Variants in MAF observed in about 807,000 individuals in gnomAD.
The protein encoded by MAF is MAF bZIP transcription factor, also known as transcription factor Maf.
MAF carries 10 observed loss-of-function variants against 22.0 expected under a neutral mutation model. That is an observed-to-expected ratio of 0.45 (90% confidence interval 0.28 to 0.77). The LOEUF is 0.77. Ranked by LOEUF, MAF falls within the 30% of genes least tolerant of loss-of-function variation. The pLI, the probability that MAF is intolerant of heterozygous loss-of-function variation, is 0.12. For missense variants in MAF, 544 were observed against 548.4 expected (o/e 0.99, Z 0.08); for synonymous variants, 337 against 255.8 (o/e 1.32, Z -3.03).
chr16:79,374,479 T>C, the MAF span, among the ~76,000 whole-genome samples: 1 of 152,350 alleles, frequency 6.6e-6, no homozygotes, highest in South Asian at 2.1e-4. Context: ...TACAGCCTCA[T>C]TTCTTCATCT....
chr16:79,265,977 C>G, the MAF span, among the ~76,000 whole-genome samples: 1 of 152,166 alleles, frequency 6.6e-6, no homozygotes, highest in Non-Finnish European at 1.5e-5. Context: ...TTCAACTTTT[C>G]TTTTTCTCCT....
the MAF span, among the ~76,000 whole-genome samples, chr16:79,444,724 T>G: frequency 6.6e-6 from 1 of 152,208 alleles, no homozygotes; most frequent in South Asian, 2.1e-4. Context: ...CAGGGCTCCA[T>G]GGAGAAGCCA....
the MAF span, among the ~76,000 whole-genome samples, chr16:79,273,681 C>T: frequency 1.3e-5 from 1 of 77,658 alleles, no homozygotes; most frequent in African/African-American, 3.9e-5. Flanking sequence ...TTCACTCTGA[C>T]CTCTTCTGCC....
At chr16:79,217,980 C>G in the MAF span, among the ~76,000 whole-genome samples, 3 of 81,428 alleles carry the variant, frequency 3.7e-5, no homozygotes, top group Non-Finnish European at 6.3e-5. Flanking sequence ...TTTTTAGAAG[C>G]TTATGTAAAA....
the MAF span, among the ~76,000 whole-genome samples, chr16:79,328,600 G>C: frequency 6.6e-6 from 1 of 152,212 alleles, no homozygotes; most frequent in South Asian, 2.1e-4. Context: ...AGCCGAGCTG[G>C]CACTTGAACG....
the MAF span, among the ~76,000 whole-genome samples, chr16:79,269,165 G>A: frequency 6.6e-6 from 1 of 152,158 alleles, no homozygotes; most frequent in African/African-American, 2.4e-5. Context: ...ATGTCTTGGT[G>A]TTTGCCTTAG....
the MAF span, among the ~76,000 whole-genome samples, chr16:79,440,700 C>T: frequency 6.6e-6 from 1 of 152,224 alleles, no homozygotes. Context: ...CATAAGCCAC[C>T]ACACTCAGCC....
chr16:79,441,610 A>G, the MAF span, among the ~76,000 whole-genome samples: 1 of 152,224 alleles, frequency 6.6e-6, no homozygotes, highest in Non-Finnish European at 1.5e-5. Context: ...CAATCATTTA[A>G]AGATGTAAAA....
the MAF span, among the ~76,000 whole-genome samples, chr16:79,437,975 A>G: frequency 7.2e-5 from 11 of 152,140 alleles, no homozygotes; most frequent in African/African-American, 2.7e-4. Flanking sequence ...TGGAGACAGG[A>G]GTCGGCCCCA....
chr16:79,548,990 T>A, the MAF span, among the ~76,000 whole-genome samples: 1 of 152,182 alleles, frequency 6.6e-6, no homozygotes, highest in Admixed American at 6.5e-5. Flanking sequence ...TATTATTATT[T>A]TTTTAAGACA....
chr16:79,566,486 G>A, the MAF span, among the ~76,000 whole-genome samples: 2 of 152,286 alleles, frequency 1.3e-5, no homozygotes, highest in South Asian at 2.1e-4. Flanking sequence ...AGGGCCCATG[G>A]GAGCATCTTG....
the MAF span, among the ~76,000 whole-genome samples, chr16:79,258,014 T>C: frequency 6.6e-6 from 1 of 152,170 alleles, no homozygotes; most frequent in Non-Finnish European, 1.5e-5. Context: ...AAAATGAGAA[T>C]AAAATGTGAC....
At chr16:79,319,755 G>A in the MAF span, among the ~76,000 whole-genome samples, 1 of 152,198 alleles carries the variant, frequency 6.6e-6, no homozygotes, top group South Asian at 2.1e-4. Context: ...AGTGAAAAGT[G>A]GCAGGGTGAT....
the MAF span, among the ~76,000 whole-genome samples, chr16:79,265,817 T>C: frequency 5.3e-5 from 8 of 152,276 alleles, 1 homozygote; most frequent in African/African-American, 1.9e-4. Context: ...ATCTCGACTC[T>C]AGTTCTTTGG....
At chr16:79,219,533 A>G in the MAF span, among the ~76,000 whole-genome samples, 2 of 133,668 alleles carry the variant, frequency 1.5e-5, no homozygotes, top group Admixed American at 1.6e-4. Flanking sequence ...CCTGGGCGAC[A>G]GCGAGACTCT....
At chr16:79,382,142 A>G in the MAF span, among the ~76,000 whole-genome samples, 1 of 152,214 alleles carries the variant, frequency 6.6e-6, no homozygotes, top group East Asian at 1.9e-4. Flanking sequence ...TGCCACAAGC[A>G]AAGTCGCCAG....
At chr16:79,235,832 G>C in the MAF span, among the ~76,000 whole-genome samples, 1 of 152,150 alleles carries the variant, frequency 6.6e-6, no homozygotes, top group Middle Eastern at 3.4e-3. Flanking sequence ...GGTTGTGATG[G>C]TTGTTATTGT....
At chr16:79,371,497 C>T in the MAF span, among the ~76,000 whole-genome samples, 1 of 152,096 alleles carries the variant, frequency 6.6e-6, no homozygotes, top group Non-Finnish European at 1.5e-5. Context: ...CTAACTAGGC[C>T]CTCTTGACCC....
At chr16:79,213,706 G>T in the MAF span, among the ~76,000 whole-genome samples, 1 of 151,710 alleles carries the variant, frequency 6.6e-6, no homozygotes. Context: ...AGTTAGACAT[G>T]TAAGTGAGGC....
Sources: allele counts gnomAD v4.1 joint callset (sites outside exome capture counted in the v4.1 genomes callset), GRCh38; gene constraint gnomAD v4.1.1; transcripts MANE v1.5; gene names NCBI Gene and HGNC (gene_info 2026-07-23, HGNC 2026-07-21).